EI24: variants seen among roughly 807,000 people sequenced by gnomAD.
EI24 encodes etoposide-induced protein 2.4 homolog.
EI24 carries 21 observed loss-of-function variants against 48.6 expected under a neutral mutation model. The ratio of observed to expected loss-of-function variants is 0.43; its 90% CI spans 0.31 to 0.62. EI24 has a LOEUF of 0.62. EI24 is among the 20% of genes least tolerant of loss of function. The probability of loss-of-function intolerance (pLI) is 0.10; values close to 1 mark genes in which losing one functional copy is unlikely to be tolerated. For synonymous variants in EI24, 114 were observed against 145.5 expected (o/e 0.78, Z 1.56); for missense variants, 280 against 410.5 (o/e 0.68, Z 2.75).
intron 2 of EI24, 89 bp from the exon 3 acceptor site, chr11:125,575,174 C>T: frequency 8.2e-7 from 1 of 1,218,482 alleles, no homozygotes; most frequent in Non-Finnish European, 1.1e-6. Context: ...CTGCAGTGAG[C>T]TATGATTGAG....
intron 1 of EI24, chr11:125,570,005 G>A (rs1938474997): frequency 6.5e-6 from 1 of 153,618 alleles, no homozygotes; most frequent in African/African-American, 2.4e-5. Context: ...CCTGTTTGCC[G>A]AGACTTGGGT....
At chr11:125,575,150 C>A in intron 2 of EI24, 113 bp from the exon 3 acceptor site, 1 of 945,104 alleles carries the variant, frequency 1.1e-6, no homozygotes. Context: ...TCATTTGAAC[C>A]CAGGAGTTGG....
Position 125,575,295 on chromosome 11 carries a change from C to T in EI24, c.75C>T (p.Thr25=). The change falls in exon 3 of 11, where the codon ACC becomes ACT. Residue 25 remains threonine, a synonymous_variant. Coordinates refer to ENST00000278903, the MANE Select transcript of EI24 (RefSeq NM_004879.5). ...GIKDSIWGIC[T]ISKLDARIQQ... is the part of the protein sequence containing the mutation. Reference sequence around the variant, plus strand: ...AAGACTCCATCTGGGGTATTTGTACCATCTCAAAGCTAGATGCTCGAATCC... The same window carrying T: ...AAGACTCCATCTGGGGTATTTGTACTATCTCAAAGCTAGATGCTCGAATCC... The T allele has an allele frequency of 6.4e-7, 1 of 1,553,220 alleles. No homozygotes were observed. The highest frequency in any genetic ancestry group is 8.7e-7 in the Non-Finnish European group (1 of 1,148,050).
In EI24 at chr11:125,576,104, T is replaced by C; in HGVS notation, c.189-151T>C. The C allele has an allele frequency of 3.8e-6, 3 of 791,074 alleles. No homozygotes were observed. The South Asian group carries it at 5.3e-5, about 14-fold the overall frequency. The allele number at this position is 791,074 out of a possible 1,614,324, so 49.0% of individuals were successfully genotyped here. A position where few individuals can be genotyped will look rare whatever the true frequency, so the allele number is the denominator to read the frequency against. On this transcript the variant is annotated intron_variant, in intron 3 of 10. Coordinates refer to ENST00000278903, the MANE Select transcript of EI24 (RefSeq NM_004879.5). ...TGCGCTTGACCATTTTTTTAGTCTT[T>C]TCTCATTGACTGACATTAGAACATT... is the stretch of plus-strand genomic sequence containing the variant.
At chr11:125,577,598 T>C (rs910153175) in intron 5 of EI24, 28 bp downstream of exon 5, 1 of 1,591,322 alleles carries the variant, frequency 6.3e-7, no homozygotes, top group Non-Finnish European at 8.6e-7. Context: ...TCCTTGTCTG[T>C]TGGGGACAGA....
chr11:125,579,324 CTTT>C, intron 7 of EI24, among the ~76,000 whole-genome samples: 1 of 151,424 alleles, frequency 6.6e-6, no homozygotes, highest in African/African-American at 2.4e-5. Context: ...CAGGTGGAAA[CTTT>C]TTTTCTTTTT....
At chr11:125,577,404 A>G in intron 4 of EI24, 100 bp from the exon 5 acceptor site, 1 of 1,235,160 alleles carries the variant, frequency 8.1e-7, no homozygotes, top group Non-Finnish European at 1.2e-6. Flanking sequence ...CTCCTGATTT[A>G]TAAAAGTCAC....
rs189060934 is a variant in EI24 at position 125,571,056 on chromosome 11, A to G, written c.-70-1402A>G. Among the ~76,000 whole-genome samples the G allele has an allele frequency of 2.7e-3, 404 of 152,306 alleles. 3 individuals carry two copies. The highest frequency in any genetic ancestry group is 8.6e-3 in the African/African-American group (359 of 41,570). On this transcript the variant is annotated intron_variant, in intron 1 of 10. Coordinates refer to ENST00000278903, the MANE Select transcript of EI24 (RefSeq NM_004879.5). ...ACCTAAGGAGCAGAGGGTATATACA[A>G]TGTTGGGCAAATTGCCTTCCTACTG...
At position 125,579,083 on chromosome 11, in the gene EI24, CTGGGCATA is replaced by C; in HGVS notation, c.561+22_561+29del. 1 of 1,554,714 alleles carries C rather than the reference CTGGGCATA, an allele frequency of 6.4e-7. No individual in the cohort carries two copies. Among genetic ancestry groups the C allele is most frequent in the Non-Finnish European group, 8.7e-7 (1 of 1,148,782 alleles). ...TCCTCATTCAGGTGAGACTGACCTT[CTGGGCATA>C]TGGGCAGCTTTATTAAAAAGAAAAA... is the stretch of plus-strand genomic sequence containing the variant. On this transcript the variant is annotated intron_variant, in intron 7 of 10. Coordinates refer to ENST00000278903, the MANE Select transcript of EI24 (RefSeq NM_004879.5).
Position 125,577,501 on chromosome 11 carries a change from T to C in EI24, c.250-3T>C, listed in dbSNP as rs763474291. ...TGTTTGCCTTGTTGCTTCTTTTCTT[T>C]AGTTCAGTCTCCTCTTGTTTTATCG... On this transcript the variant is annotated splice_region_variant and splice_polypyrimidine_tract_variant and intron_variant, in intron 4 of 10. Transcript: ENST00000278903. 6.2e-7 allele frequency: 1 copy of C among 1,610,490 alleles called. No homozygotes were observed. The highest frequency in any genetic ancestry group is 8.5e-7 in the Non-Finnish European group (1 of 1,178,956).
intron 10 of EI24, 146 bp from the exon 11 acceptor site, chr11:125,583,375 A>T: frequency 2.9e-6 from 2 of 684,034 alleles, no homozygotes; most frequent in Non-Finnish European, 4.7e-6. Context: ...TGTTCCATCC[A>T]TGTATCTAAT....
At chr11:125,578,823 G>C (rs184394543) in intron 6 of EI24, 126 bp from the exon 7 acceptor site, 1 of 1,156,630 alleles carries the variant, frequency 8.6e-7, no homozygotes, top group Non-Finnish European at 1.2e-6. Flanking sequence ...ATGCCATCGT[G>C]CCCAGCTTAT....
At chr11:125,573,055 T>C (rs1431792823) in intron 2 of EI24, among the ~76,000 whole-genome samples, 1 of 152,040 alleles carries the variant, frequency 6.6e-6, no homozygotes, top group Non-Finnish European at 1.5e-5. Context: ...TTTTCCCAAT[T>C]TTTCATTTAT....
At chr11:125,576,184 A>T (rs1281504379) in intron 3 of EI24, 71 bp from the exon 4 acceptor site, 8 of 1,418,378 alleles carry the variant, frequency 5.6e-6, no homozygotes, top group Non-Finnish European at 7.9e-6. Flanking sequence ...ATAAGATATA[A>T]AATGAACTAC....
At chr11:125,572,766 T>C (rs938827919) in intron 2 of EI24, among the ~76,000 whole-genome samples, 197 bp downstream of exon 2, 16 of 152,048 alleles carry the variant, frequency 1.1e-4, no homozygotes, top group African/African-American at 3.9e-4. Context: ...TTGCAGGTGC[T>C]TGGAAGACCT....
chr11:125,578,555 T>G (rs1398092356), intron 6 of EI24, among the ~76,000 whole-genome samples: 7 of 133,740 alleles, frequency 5.2e-5, no homozygotes, highest in Non-Finnish European at 9.3e-5. Flanking sequence ...AACCTTTGCC[T>G]CCCGGGTTCA....
chr11:125,577,414 C>T, intron 4 of EI24, 90 bp from the exon 5 acceptor site: 1 of 1,295,704 alleles, frequency 7.7e-7, no homozygotes, highest in South Asian at 1.3e-5. Flanking sequence ...ATAAAAGTCA[C>T]TCCCATCTAT....
Position 125,572,695 on chromosome 11 carries a change from G to A in EI24, c.42+126G>A, listed in dbSNP as rs2135849023. On this transcript the variant is annotated intron_variant, in intron 2 of 10. Coordinates refer to ENST00000278903, the MANE Select transcript of EI24 (RefSeq NM_004879.5). ...TATTTCTTGGGTTCTTTACATAAAG[G>A]TTGTTATTCTAGACCACACTACTCA... 5 of 879,514 alleles carry A rather than the reference G, an allele frequency of 5.7e-6. 1 individual carries two copies. The highest frequency in any genetic ancestry group is 8.9e-6 in the Non-Finnish European group (5 of 562,550). The allele number at this position is 879,514 out of a possible 1,614,324, so 54.5% of individuals were successfully genotyped here.
chr11:125,571,745 G>T (rs540906033), intron 1 of EI24, among the ~76,000 whole-genome samples: 1 of 152,222 alleles, frequency 6.6e-6, no homozygotes, highest in East Asian at 1.9e-4. Context: ...GGGCGTGGTG[G>T]CGGGTTCCTG....
Sources: gnomAD v4.1 joint callset for allele counts (sites outside exome capture counted in the v4.1 genomes callset) on GRCh38, gnomAD v4.1.1 for gene constraint, MANE v1.5 for transcripts, NCBI Gene and HGNC (gene_info 2026-07-23, HGNC 2026-07-21) for gene names.